ZC3H11A: variants seen among roughly 807,000 people sequenced by gnomAD.
ZC3H11A encodes the protein zinc finger CCCH-type containing 11A, also known as zinc finger CCCH domain-containing protein 11A.
A neutral mutation model predicts 90.8 loss-of-function variants in ZC3H11A; 22 were observed. The ratio of observed to expected loss-of-function variants is 0.24; its 90% CI spans 0.17 to 0.35. ZC3H11A has a LOEUF of 0.35. ZC3H11A is among the 10% of genes least tolerant of loss of function. The pLI is 1.00. For missense variants in ZC3H11A, 701 were observed against 964.9 expected, an observed-to-expected ratio of 0.73 and a Z score of 3.62; for synonymous variants, 294 against 339.8, an observed-to-expected ratio of 0.87 and a Z score of 1.48.
intron 13 of ZC3H11A, among the ~76,000 whole-genome samples, chr1:203,847,938 C>A (rs1688325820): frequency 6.6e-6 from 1 of 152,182 alleles, no homozygotes; most frequent in African/African-American, 2.4e-5. Context: ...TCACTGTAGC[C>A]TCCACCTCCT....
At chr1:203,826,198 C>G (rs1680455581) in intron 4 of ZC3H11A, among the ~76,000 whole-genome samples, 1 of 151,994 alleles carries the variant, frequency 6.6e-6, no homozygotes, top group Non-Finnish European at 1.5e-5. Flanking sequence ...TAAATTCTTC[C>G]TAGTTCTTTG....
In ZC3H11A at chr1:203,847,342, A is replaced by G; in HGVS notation, c.1201A>G (p.Ile401Val). 4 of 1,613,972 alleles carry G rather than the reference A, an allele frequency of 2.5e-6. No homozygotes were observed. The highest frequency in any genetic ancestry group is 2.5e-6 in the Non-Finnish European group (3 of 1,179,872). The change falls in exon 13 of 18, where the codon ATC becomes GTC. Residue 401 changes from isoleucine to valine, a missense_variant. Physicochemically the swap from Ile to Val is conservative, Grantham distance 29. Around this residue, in one of 4 missense-constraint regions of ZC3H11A, gnomAD observed 530 missense variants for 696.2 expected, o/e 0.76. Transcript: ENST00000367210. Reference sequence around the variant, plus strand: ...TTCAGGAGCAAGAAGCTCCTCCACTATCCGTATCAAAACCTTCTCTGAGGT... The same window carrying G: ...TTCAGGAGCAAGAAGCTCCTCCACTGTCCGTATCAAAACCTTCTCTGAGGT... ...STSGARSSST[I>V]RIKTFSEVLA... is the part of the protein sequence containing the mutation.
intron 4 of ZC3H11A, among the ~76,000 whole-genome samples, chr1:203,825,323 C>T (rs1680154682): frequency 6.6e-6 from 1 of 151,694 alleles, no homozygotes; most frequent in African/African-American, 2.4e-5. Flanking sequence ...TAGAACATAA[C>T]TACTGCAAAT....
At chr1:203,828,194 C>T in intron 4 of ZC3H11A, 105 bp from the exon 5 acceptor site, 1 of 1,361,048 alleles carries the variant, frequency 7.3e-7, no homozygotes, top group Non-Finnish European at 1.0e-6. Flanking sequence ...TCTCACATGC[C>T]TCGGATTTTT....
At chr1:203,832,350 C>A (rs1682661990) in intron 9 of ZC3H11A, among the ~76,000 whole-genome samples, 1 of 151,740 alleles carries the variant, frequency 6.6e-6, no homozygotes, top group African/African-American at 2.4e-5. Context: ...TGTGAGCCAC[C>A]GTTCTTGGCC....
At chr1:203,848,288 A>C (rs1309304510) in intron 13 of ZC3H11A, 43 bp from the exon 14 acceptor site, 2 of 1,507,382 alleles carry the variant, frequency 1.3e-6, no homozygotes, top group Non-Finnish European at 1.8e-6. Flanking sequence ...ATGAAGTTGC[A>C]GCTTAAATAA....
Position 203,817,056 on chromosome 1 carries a change from A to G in ZC3H11A, c.-15A>G. On this transcript the variant is annotated 5_prime_UTR_variant, in exon 3 of 18. Transcript: ENST00000367210. The stretch of plus-strand genomic sequence containing the variant: ...TGTTTCAAGAAGCCACTTCTGATCT[A>G]AGAATCTACCCAGCATGCCTAATCA... The G allele has an allele frequency of 1.2e-6, 2 of 1,600,466 alleles. No homozygotes were observed. The highest frequency in any genetic ancestry group is 1.7e-6 in the Non-Finnish European group (2 of 1,174,646).
At position 203,849,859 on chromosome 1, in the gene ZC3H11A, A is replaced by G; in HGVS notation, c.1772A>G (p.Gln591Arg). ...LRGDVASCNT[Q>R]VAEKPVLTAV... is the part of the protein sequence containing the mutation. ...GGAGATGTAGCCTCTTGCAATACCC[A>G]AGTGGCAGAGAAACCAGTGCTCACT... The change falls in exon 15 of 18, where the codon CAA (glutamine) becomes CGA (arginine). Residue 591 changes from glutamine (Q) to arginine (R), a missense_variant. Around this residue, in one of 4 missense-constraint regions of ZC3H11A, gnomAD observed 530 missense variants for 696.2 expected, o/e 0.76. Coordinates refer to ENST00000367210, the MANE Select transcript of ZC3H11A (RefSeq NM_001376342.1). 10 of 1,614,108 alleles carry G rather than the reference A, an allele frequency of 6.2e-6. No individual in the cohort carries two copies. The highest frequency in any genetic ancestry group is 1.1e-5 in the South Asian group (1 of 91,074).
intron 9 of ZC3H11A, among the ~76,000 whole-genome samples, chr1:203,833,005 G>A (rs980231677): frequency 2.6e-5 from 4 of 151,934 alleles, no homozygotes; most frequent in East Asian, 1.9e-4. Context: ...AGGCTGAGGC[G>A]GGCGGATCGC....
chr1:203,826,706 C>G (rs1203346390), intron 4 of ZC3H11A, among the ~76,000 whole-genome samples: 3 of 151,908 alleles, frequency 2.0e-5, no homozygotes, highest in Non-Finnish European at 4.4e-5. Flanking sequence ...GTGTTTTTTC[C>G]TGGAATTTTA....
intron 1 of ZC3H11A, chr1:203,797,375 T>TC: frequency 1.4e-6 from 1 of 707,006 alleles, no homozygotes; most frequent in South Asian, 2.6e-5. Context: ...AAAAATAACC[T>TC]GGCTTGGAAG....
At chr1:203,852,119 A>G in intron 17 of ZC3H11A, 22 bp from the exon 18 acceptor site, 1 of 1,612,818 alleles carries the variant, frequency 6.2e-7, no homozygotes, top group South Asian at 1.1e-5. Context: ...GCAGTTTTCT[A>G]ATAATCTTTT....
At position 203,850,030 on chromosome 1, in the gene ZC3H11A, AG is replaced by A; in HGVS notation, c.1939+5del. ...ACCTTGGAAAAAAGGGGTAAAGGCA[AG>A]TATTTCTATACTGTGTATTGCTTTA... is the stretch of plus-strand genomic sequence containing the variant. On this transcript the variant is annotated splice_donor_5th_base_variant and intron_variant, in intron 15 of 17. Coordinates refer to ENST00000367210, the MANE Select transcript of ZC3H11A (RefSeq NM_001376342.1). 1 of 1,613,874 alleles carries A rather than the reference AG, an allele frequency of 6.2e-7. No individual in the cohort carries two copies. Among genetic ancestry groups the A allele is most frequent in the Non-Finnish European group, 8.5e-7 (1 of 1,179,976 alleles).
At chr1:203,806,737 T>C (rs1203700032) in intron 2 of ZC3H11A, among the ~76,000 whole-genome samples, 1 of 152,118 alleles carries the variant, frequency 6.6e-6, no homozygotes, top group Non-Finnish European at 1.5e-5. Context: ...ATATTGCATA[T>C]GCTGATGATT....
rs376190579 is a variant in ZC3H11A at position 203,838,034 on chromosome 1, G to A, written c.943G>A (p.Glu315Lys). The change falls in exon 11 of 18, where the codon GAA becomes AAA. Residue 315 changes from glutamate to lysine, a missense_variant. Transcript: ENST00000367210. ...GCTAGGGAAGAAAGTTGAAGCTCCA[G>A]AAACTAACATTGACAAAACACCAAA... ...QRLGKKVEAP[E>K]TNIDKTPKKA... 28 of 1,614,064 alleles carry A rather than the reference G, an allele frequency of 1.7e-5. No individual in the cohort carries two copies. In the African/African-American group the frequency reaches 3.3e-4, roughly 19 times the overall value.
chr1:203,834,118 A>C, intron 10 of ZC3H11A: 1 of 1,118,980 alleles, frequency 8.9e-7, no homozygotes, highest in East Asian at 4.8e-5. Flanking sequence ...GAACACCTCT[A>C]TTTCTCTGAA....
intron 4 of ZC3H11A, among the ~76,000 whole-genome samples, chr1:203,819,452 C>T (rs1194395901): frequency 6.7e-6 from 1 of 149,992 alleles, no homozygotes; most frequent in African/African-American, 2.5e-5. Context: ...GAACTCCTGA[C>T]TTCAGGTGAT....
chr1:203,828,023 C>T (rs1237725707), intron 4 of ZC3H11A, among the ~76,000 whole-genome samples: 2 of 149,798 alleles, frequency 1.3e-5, no homozygotes, highest in Admixed American at 1.4e-4. Context: ...ACTACTGTAT[C>T]ATCCTGCTTC....
At chr1:203,835,806 G>T in intron 10 of ZC3H11A, 1 of 242,114 alleles carries the variant, frequency 4.1e-6, no homozygotes, top group Non-Finnish European at 9.2e-6. Context: ...TGTTTCATCT[G>T]GGGCATAAAC....
Sources: gnomAD v4.1 joint callset for allele counts (sites outside exome capture counted in the v4.1 genomes callset) on GRCh38, gnomAD v4.1.1 for gene constraint, gnomAD v4.1.1 regional missense constraint, MANE v1.5 for transcripts, NCBI Gene and HGNC (gene_info 2026-07-23, HGNC 2026-07-21) for gene names.